Variants in GALNT15 observed in about 807,000 individuals in gnomAD.
GALNT15 encodes the protein UDP-GalNAc transferase T15.
In GALNT15, 67 loss-of-function variants were observed where a neutral mutation model predicts 66.8. The ratio of observed to expected loss-of-function variants is 1.00; its 90% confidence interval spans 0.82 to 1.23. The LOEUF is 1.23. GALNT15 is among the 50% of genes most tolerant of loss of function. The probability of loss-of-function intolerance (pLI) is 0.00; values close to 1 mark genes in which losing one functional copy is unlikely to be tolerated. For missense variants in GALNT15, 827 were observed against 804.3 expected (o/e 1.03, Z -0.34); for synonymous variants, 313 against 311.5 (o/e 1.00, Z -0.05).
At chr3:16,237,361 G>T in the GALNT15 span, among the ~76,000 whole-genome samples, 6 of 152,324 alleles carry the variant, frequency 3.9e-5, no homozygotes, top group Admixed American at 1.3e-4. The surrounding 1 kb of genome is among the most constrained non-coding windows in gnomAD (Gnocchi z 4.2). Flanking sequence ...GCTTAGGGCT[G>T]TCCAGCCCAT....
chr3:16,201,734 A>G (rs2063705678), intron 3 of GALNT15, among the ~76,000 whole-genome samples: 1 of 152,124 alleles, frequency 6.6e-6, no homozygotes, highest in African/African-American at 2.4e-5. Context: ...TTTCTTGATC[A>G]TTTCTCTGCT....
intron 4 of GALNT15, among the ~76,000 whole-genome samples, 164 bp downstream of exon 4, chr3:16,208,834 A>T (rs1234447878): frequency 6.6e-6 from 1 of 152,224 alleles, no homozygotes; most frequent in Non-Finnish European, 1.5e-5. Context: ...GTATTTACCT[A>T]TAAGGGTTAC....
At chr3:16,197,861 C>T (rs2063656332) in intron 2 of GALNT15, among the ~76,000 whole-genome samples, 3 of 152,272 alleles carry the variant, frequency 2.0e-5, no homozygotes, top group Non-Finnish European at 2.9e-5. Flanking sequence ...GTGCTCTTAC[C>T]CACTTCAAAA....
rs1456053224 is a variant in GALNT15, at chr3:16,175,670, G to C, written c.519G>C (p.Leu173=). 1 of 1,598,774 alleles carries C rather than the reference G, an allele frequency of 6.3e-7. No homozygotes were observed. The highest frequency in any genetic ancestry group is 1.3e-5 in the African/African-American group (1 of 74,638). The change falls in exon 1 of 10, where the codon CTG becomes CTC. Residue 173 remains leucine (L), a synonymous_variant. Transcript: ENST00000339732. The surrounding 1 kb of genome is among the most constrained non-coding windows in gnomAD (Gnocchi z 5.6). ...LSARIPLQRA[L]PEVRHPLCLQ... Reference sequence around the variant, plus strand: ...CCCGCATCCCCCTCCAGAGGGCTCTGCCCGAGGTGCGGCACCCACTGTAAG... The same window carrying C: ...CCCGCATCCCCCTCCAGAGGGCTCTCCCCGAGGTGCGGCACCCACTGTAAG...
At position 16,211,763 on chromosome 3, in the gene GALNT15, G is replaced by A. The variant is rs901163677; in HGVS notation, c.1197+522G>A. On this transcript the variant is annotated intron_variant, in intron 5 of 9. Transcript: ENST00000339732. This position sits in a 1 kb window ranked among gnomAD's most constrained non-coding sequence, Gnocchi z 4.3. Reference sequence around the variant, plus strand: ...TTGCTTTTTCATCACAGTATCCTCCGAAAACCCAACACCAAAAAAAATTCA... The same window carrying A: ...TTGCTTTTTCATCACAGTATCCTCCAAAAACCCAACACCAAAAAAAATTCA... Among the ~76,000 whole-genome samples the A allele has an allele frequency of 3.3e-5, 5 of 152,024 alleles. No individual in the cohort carries two copies. Among genetic ancestry groups the A allele is most frequent in the South Asian group, 2.1e-4 (1 of 4,820 alleles).
At position 16,203,204 on chromosome 3, in the gene GALNT15, G is replaced by A. The variant is rs1416637324; in HGVS notation, c.911+2381G>A. Among the ~76,000 whole-genome samples the A allele has an allele frequency of 3.9e-5, 6 of 152,086 alleles. No homozygotes were observed. Among genetic ancestry groups the A allele is most frequent in the African/African-American group, 7.2e-5 (3 of 41,394 alleles). On this transcript the variant is annotated intron_variant, in intron 3 of 9. Coordinates refer to ENST00000339732, the MANE Select transcript of GALNT15 (RefSeq NM_054110.5). This position sits in a 1 kb window ranked among gnomAD's most constrained non-coding sequence, Gnocchi z 6.2. ...CATTTTCTTTTTAAGAGTTGGAGAA[G>A]CTGGTCAGGGAGGAACATTAGTCAT...
chr3:16,247,044 A>G, the GALNT15 span, among the ~76,000 whole-genome samples: 1 of 151,852 alleles, frequency 6.6e-6, no homozygotes, highest in East Asian at 1.9e-4. Flanking sequence ...TAAATTTTGG[A>G]TGAATTTGAA....
chr3:16,206,688 A>G (rs187848426), intron 3 of GALNT15, among the ~76,000 whole-genome samples: 2,854 of 151,148 alleles, frequency 0.019, 105 homozygotes, highest in East Asian at 0.16. Flanking sequence ...AAAAAAAAAA[A>G]AAAAAAAGAA....
chr3:16,232,474 ATAT>A (rs1559698328), downstream of GALNT15, among the ~76,000 whole-genome samples: 1,712 of 51,456 alleles, frequency 0.033, 33 homozygotes, highest in Middle Eastern at 0.06. Flanking sequence ...AAATAAATAT[ATAT>A]ATATATATAT....
chr3:16,240,941 A>G, the GALNT15 span, among the ~76,000 whole-genome samples: 1 of 152,060 alleles, frequency 6.6e-6, no homozygotes, highest in Non-Finnish European at 1.5e-5. Context: ...AGTTCCCAAT[A>G]CAACACCCTT....
In GALNT15 at chr3:16,228,169, T is replaced by C. The variant is rs1193171385; in HGVS notation, c.*669T>C. 1 of 985,884 alleles carries C rather than the reference T, an allele frequency of 1.0e-6. No homozygotes were observed. Among genetic ancestry groups the C allele is most frequent in the African/African-American group, 1.7e-5 (1 of 57,230 alleles). The allele number at this position is 985,884 out of a possible 1,614,324, so 61.1% of individuals were successfully genotyped here. ...TTCATGTTAATGAGAATTTCCACCA[T>C]TGTAGAGAATTTCCTTCCTACTGAG... On this transcript the variant is annotated 3_prime_UTR_variant, in exon 10 of 10. Transcript: ENST00000339732.
chr3:16,177,121 C>T (rs1201942649), intron 1 of GALNT15, among the ~76,000 whole-genome samples: 3 of 152,170 alleles, frequency 2.0e-5, no homozygotes, highest in Non-Finnish European at 2.9e-5. Context: ...GCCTGCTTTC[C>T]CTGCTATGCT....
rs528971270 is a variant in GALNT15, at chr3:16,227,312, TG to T, written c.1774-37del. 800 of 1,591,288 alleles carry T rather than the reference TG, an allele frequency of 5.0e-4. 3 individuals are homozygous for T. In the African/African-American group the frequency reaches 8.9e-3, roughly 18 times the overall value. Reference sequence around the variant, plus strand: ...AATATTTTCTTTTGCTGACTGATTGTGGGGGACTGGTTTTCTTTTCTTTTTT... The same window carrying T: ...AATATTTTCTTTTGCTGACTGATTGTGGGGACTGGTTTTCTTTTCTTTTTT... On this transcript the variant is annotated intron_variant, in intron 9 of 9. Transcript: ENST00000339732. The surrounding 1 kb of genome is among the most constrained non-coding windows in gnomAD (Gnocchi z 4.5).
chr3:16,209,425 C>T lies in GALNT15; in HGVS notation c.1079+755C>T, dbSNP rs1351052746. Among the ~76,000 whole-genome samples, 1 of 152,176 alleles carries T rather than the reference C, an allele frequency of 6.6e-6. No individual in the cohort carries two copies. Among genetic ancestry groups the T allele is most frequent in the African/African-American group, 2.4e-5 (1 of 41,438 alleles). The stretch of plus-strand genomic sequence containing the variant: ...GACAGCCAGGCCCTTGAGACGACTG[C>T]TTCACTGCTATGCTATATTTTAAAT... On this transcript the variant is annotated intron_variant, in intron 4 of 9. Coordinates refer to ENST00000339732, the MANE Select transcript of GALNT15 (RefSeq NM_054110.5). This position sits in a 1 kb window ranked among gnomAD's most constrained non-coding sequence, Gnocchi z 4.1.
At chr3:16,236,639 A>G (rs1369318399), downstream of GALNT15, among the ~76,000 whole-genome samples, 1 of 152,214 alleles carries the variant, frequency 6.6e-6, no homozygotes, top group Non-Finnish European at 1.5e-5. Context: ...TGTTATACAT[A>G]ACAGAACAGC....
chr3:16,211,201 T>A lies in GALNT15; in HGVS notation c.1157T>A (p.Met386Lys). The change falls in exon 5 of 10, where the codon ATG becomes AAG. Residue 386 changes from methionine (M) to lysine (K), a missense_variant. Coordinates refer to ENST00000339732, the MANE Select transcript of GALNT15 (RefSeq NM_054110.5). The surrounding 1 kb of genome is among the most constrained non-coding windows in gnomAD (Gnocchi z 4.3). The part of the protein sequence containing the change: ...FQNTGAYDSL[M>K]SLRGGENLEL... Reference sequence around the variant, plus strand: ...AACACTGGAGCGTATGACTCTCTTATGTCGCTGCGAGGTGGTGAAAACCTC... The same window carrying A: ...AACACTGGAGCGTATGACTCTCTTAAGTCGCTGCGAGGTGGTGAAAACCTC... The A allele has an allele frequency of 1.2e-6, 2 of 1,613,978 alleles. No homozygotes were observed. The highest frequency in any genetic ancestry group is 8.5e-7 in the Non-Finnish European group (1 of 1,179,842).
rs1245253758 is a variant in GALNT15 at position 16,211,758 on chromosome 3, C to T, written c.1197+517C>T. Among the ~76,000 whole-genome samples, 1 of 152,110 alleles carries T rather than the reference C, an allele frequency of 6.6e-6. No homozygotes were observed. The highest frequency in any genetic ancestry group is 1.5e-5 in the Non-Finnish European group (1 of 68,042). On this transcript the variant is annotated intron_variant, in intron 5 of 9. Coordinates refer to ENST00000339732, the MANE Select transcript of GALNT15 (RefSeq NM_054110.5). The surrounding 1 kb of genome is among the most constrained non-coding windows in gnomAD (Gnocchi z 4.3). Reference sequence around the variant, plus strand: ...GATACTTGCTTTTTCATCACAGTATCCTCCGAAAACCCAACACCAAAAAAA... The same window carrying T: ...GATACTTGCTTTTTCATCACAGTATTCTCCGAAAACCCAACACCAAAAAAA...
chr3:16,192,992 G>A (rs1348077298), intron 1 of GALNT15, among the ~76,000 whole-genome samples: 4 of 152,222 alleles, frequency 2.6e-5, no homozygotes, highest in Non-Finnish European at 5.9e-5. Flanking sequence ...GAACCATGTC[G>A]GATTCCTGGT....
At chr3:16,241,385 T>G in the GALNT15 span, among the ~76,000 whole-genome samples, 397 of 152,290 alleles carry the variant, frequency 2.6e-3, no homozygotes, top group African/African-American at 8.7e-3. This position sits in a 1 kb window ranked among gnomAD's most constrained non-coding sequence, Gnocchi z 4.6. Context: ...GAGGTCTTAT[T>G]TGAGGTCAAA....
Sources: gnomAD v4.1 joint callset for allele counts (sites outside exome capture counted in the v4.1 genomes callset) on GRCh38, gnomAD v4.1.1 for gene constraint, Gnocchi (gnomAD v3.1) non-coding constraint, MANE v1.5 for transcripts, NCBI Gene and HGNC (gene_info 2026-07-23, HGNC 2026-07-21) for gene names.